MCTP1: variants seen among roughly 807,000 people sequenced by gnomAD.
The protein encoded by MCTP1 is multiple C2 and transmembrane domain containing 1.
Under a neutral mutation model 120.6 loss-of-function variants are expected in MCTP1, and 69 were observed. The ratio of observed to expected loss-of-function variants is 0.57; its 90% confidence interval spans 0.47 to 0.70. The LOEUF (loss-of-function observed/expected upper bound fraction) is 0.70. Among genes scored for constraint, MCTP1 ranks in the 30% least tolerant of loss-of-function variants. The pLI is 0.00. For missense variants in MCTP1, 1,203 were observed against 1,248.8 expected (o/e 0.96, Z 0.55); for synonymous variants, 529 against 493.1 (o/e 1.07, Z -0.96).
intron 17 of MCTP1, among the ~76,000 whole-genome samples, chr5:94,815,571 G>A (rs898407083): frequency 6.6e-6 from 1 of 152,128 alleles, no homozygotes; most frequent in African/African-American, 2.4e-5. Context: ...TTTCATTTAT[G>A]TCTTTGCCTT....
In MCTP1 at chr5:94,705,315, A is replaced by G. The variant is rs1401394834; in HGVS notation, c.*2181T>C. 1 of 151,542 alleles carries G rather than the reference A, an allele frequency of 6.6e-6. No individual in the cohort carries two copies. The highest frequency in any genetic ancestry group is 2.1e-4 in the South Asian group (1 of 4,828). 9.4% of individuals were successfully genotyped at this position (151,542 alleles called of 1,614,324 possible). ...AGCAATGAAGATTTCCCTGAATATC[A>G]CTTTTGTGCCTCAAGCTAGTTCTTA... On this transcript the variant is annotated 3_prime_UTR_variant, in exon 23 of 23. Coordinates refer to ENST00000515393, the MANE Select transcript of MCTP1 (RefSeq NM_024717.7).
chr5:94,851,988 T>C (rs1793833411), intron 17 of MCTP1, among the ~76,000 whole-genome samples: 1 of 151,962 alleles, frequency 6.6e-6, no homozygotes, highest in African/African-American at 2.4e-5. Context: ...CAATGATTAA[T>C]GATCTTAATT....
chr5:95,239,136 A>G (rs867913063), intron 1 of MCTP1, among the ~76,000 whole-genome samples: 2 of 152,208 alleles, frequency 1.3e-5, no homozygotes, highest in Non-Finnish European at 2.9e-5. Context: ...AAACATTAAA[A>G]AGGCCATTGA....
chr5:94,759,903 G>GAAAAAAAA lies in MCTP1; in HGVS notation c.2610+19199_2610+19206dup. On this transcript the variant is annotated intron_variant, in intron 19 of 22. Coordinates refer to ENST00000515393, the MANE Select transcript of MCTP1 (RefSeq NM_024717.7). ...CATTATCCAGGAACTTTTTCAAAGA[G>GAAAAAAAA]AAAAAAAAAAAAAAAAAAAAAGCAG... Among the ~76,000 whole-genome samples, 12 of 78,888 alleles carry GAAAAAAAA rather than the reference G, an allele frequency of 1.5e-4. 1 individual carries two copies. The highest frequency in any genetic ancestry group is 2.0e-4 in the Non-Finnish European group (9 of 44,978). The allele number at this position is 78,888 out of a possible 152,430, so 51.8% of individuals were successfully genotyped here. A position where few individuals can be genotyped will look rare whatever the true frequency, so the allele number is the denominator to read the frequency against.
At chr5:94,859,937 G>A (rs944992320) in intron 17 of MCTP1, among the ~76,000 whole-genome samples, 9 of 151,556 alleles carry the variant, frequency 5.9e-5, no homozygotes, top group Non-Finnish European at 1.3e-4. Flanking sequence ...TTCTTGTTTC[G>A]AACATTTAGA....
chr5:94,903,220 T>C (rs752065021), intron 10 of MCTP1, among the ~76,000 whole-genome samples: 11 of 152,234 alleles, frequency 7.2e-5, no homozygotes, highest in Non-Finnish European at 1.2e-4. Flanking sequence ...CTAGCTGTCC[T>C]TGTGCTTTCA....
chr5:94,956,043 C>T (rs1822527364), intron 2 of MCTP1, among the ~76,000 whole-genome samples: 1 of 152,310 alleles, frequency 6.6e-6, no homozygotes, highest in South Asian at 2.1e-4. Flanking sequence ...GTGGGTGCCC[C>T]TCTGGGATGA....
chr5:94,849,743 C>T (rs548306262), intron 17 of MCTP1, among the ~76,000 whole-genome samples: 30 of 152,032 alleles, frequency 2.0e-4, no homozygotes, highest in Non-Finnish European at 3.4e-4. Flanking sequence ...ATTTTCAACC[C>T]ATGAATTAGA....
At chr5:95,030,790 C>G (rs1428056836) in intron 1 of MCTP1, among the ~76,000 whole-genome samples, 2 of 152,106 alleles carry the variant, frequency 1.3e-5, no homozygotes, top group African/African-American at 4.8e-5. Context: ...AAGGACTACT[C>G]TCACTCTCTA....
At chr5:95,100,245 C>CACAT (rs1756627262) in intron 1 of MCTP1, among the ~76,000 whole-genome samples, 1 of 151,724 alleles carries the variant, frequency 6.6e-6, no homozygotes, top group African/African-American at 2.4e-5. Flanking sequence ...GCACATTGTG[C>CACAT]ACATGTACCC....
At chr5:94,807,087 C>T (rs1248614324) in intron 17 of MCTP1, among the ~76,000 whole-genome samples, 1 of 152,084 alleles carries the variant, frequency 6.6e-6, no homozygotes, top group East Asian at 1.9e-4. Flanking sequence ...GTTCATCATT[C>T]GACAATATCT....
At position 95,174,080 on chromosome 5, in the gene MCTP1, G is replaced by C. The variant is rs371432273; in HGVS notation, c.720+109776C>G. 2.4e-3 allele frequency among the ~76,000 whole-genome samples: 363 copies of C among 152,224 alleles called. 22 individuals carry two copies. The South Asian group carries it at 0.072, about 30-fold the overall frequency. ...CCAATATCAAATTGGCTCCATGAGG[G>C]CAATGTTTTGTTCACTGCTATTACC... On this transcript the variant is annotated intron_variant, in intron 1 of 22. Transcript: ENST00000515393.
chr5:94,867,670 A>G (rs1797076474), intron 17 of MCTP1: 2 of 322,148 alleles, frequency 6.2e-6, no homozygotes, highest in Admixed American at 4.7e-5. Context: ...GCTAAAGCTC[A>G]GAGCAAAGTA....
chr5:95,244,698 G>A (rs1434987132), intron 1 of MCTP1, among the ~76,000 whole-genome samples: 1 of 152,220 alleles, frequency 6.6e-6, no homozygotes, highest in Non-Finnish European at 1.5e-5. Flanking sequence ...CATGAACTGG[G>A]TGGAGCACAC....
intron 2 of MCTP1, among the ~76,000 whole-genome samples, chr5:94,983,707 A>C (rs1051391737): frequency 6.0e-5 from 9 of 150,258 alleles, no homozygotes. Flanking sequence ...ATTGGTTTCA[A>C]CTAGAAAGTA....
At chr5:95,194,068 T>C (rs1582492132) in intron 1 of MCTP1, among the ~76,000 whole-genome samples, 1 of 152,040 alleles carries the variant, frequency 6.6e-6, no homozygotes, top group Non-Finnish European at 1.5e-5. Context: ...CATAAAAAAT[T>C]AGCCAAGCAT....
intron 1 of MCTP1, among the ~76,000 whole-genome samples, chr5:95,118,165 A>G (rs1196966484): frequency 6.6e-6 from 1 of 152,208 alleles, no homozygotes; most frequent in Non-Finnish European, 1.5e-5. Flanking sequence ...TGCACAATTT[A>G]CCTATGTAAC....
intron 17 of MCTP1, among the ~76,000 whole-genome samples, chr5:94,860,652 A>C (rs1795606724): frequency 6.6e-6 from 1 of 151,648 alleles, no homozygotes; most frequent in East Asian, 1.9e-4. Context: ...TATAAAAGTA[A>C]ATGTAGTTGA....
chr5:95,213,099 G>A (rs1272817758), intron 1 of MCTP1, among the ~76,000 whole-genome samples: 2 of 152,118 alleles, frequency 1.3e-5, no homozygotes, highest in Admixed American at 6.6e-5. Context: ...TGACATGATT[G>A]TATATCTAGA....
Sources: allele counts gnomAD v4.1 joint callset (sites outside exome capture counted in the v4.1 genomes callset), GRCh38; gene constraint gnomAD v4.1.1; transcripts MANE v1.5; gene names NCBI Gene and HGNC (gene_info 2026-07-23, HGNC 2026-07-21).